Variants in TLL2 observed in about 807,000 individuals in gnomAD.
TLL2 encodes the protein tolloid like 2, also known as tolloid-like protein 2.
A neutral mutation model predicts 123.0 loss-of-function variants in TLL2; 106 were observed. The observed-to-expected ratio is 0.86, with a 90% CI of 0.74 to 1.01. TLL2 has a LOEUF of 1.01. TLL2 is among the 50% of genes least tolerant of loss of function. TLL2 has a pLI of 0.00. For synonymous variants in TLL2, 494 were observed against 516.8 expected, an observed-to-expected ratio of 0.96 and a Z score of 0.60; for missense variants, 1,332 against 1,336.7, an observed-to-expected ratio of 1.00 and a Z score of 0.06.
intron 7 of TLL2, among the ~76,000 whole-genome samples, chr10:96,417,838 G>A (rs1846578770): frequency 6.6e-6 from 1 of 152,208 alleles, no homozygotes; most frequent in Non-Finnish European, 1.5e-5. Context: ...CTGTTGCTGT[G>A]AGTGATCCCA....
At chr10:96,407,825 G>A (rs576556718) in intron 9 of TLL2, among the ~76,000 whole-genome samples, 6 of 152,344 alleles carry the variant, frequency 3.9e-5, no homozygotes, top group East Asian at 3.9e-4. Context: ...GTGCGCGCAC[G>A]CGTGGGTGCA....
At chr10:96,393,533 C>A (rs969157656) in intron 13 of TLL2, among the ~76,000 whole-genome samples, 19 of 152,186 alleles carry the variant, frequency 1.2e-4, no homozygotes, top group Non-Finnish European at 2.6e-4. Flanking sequence ...CTTGAGGCCA[C>A]CCAGCCGGTG....
chr10:96,482,661 C>T (rs1282121873), intron 1 of TLL2, among the ~76,000 whole-genome samples: 1 of 152,148 alleles, frequency 6.6e-6, no homozygotes, highest in African/African-American at 2.4e-5. Context: ...TTGTTTAGGA[C>T]TGGGGGCAGA....
chr10:96,371,334 AAG>A (rs1264193728), intron 19 of TLL2, among the ~76,000 whole-genome samples: 1 of 147,198 alleles, frequency 6.8e-6, no homozygotes, highest in Non-Finnish European at 1.5e-5. Flanking sequence ...AAAAAAAAAA[AAG>A]TAAATAAATA....
intron 1 of TLL2, among the ~76,000 whole-genome samples, chr10:96,502,137 C>T (rs771875721): frequency 1.3e-5 from 2 of 152,122 alleles, no homozygotes; most frequent in Non-Finnish European, 2.9e-5. Context: ...GTTGACCACA[C>T]ATAGAGTCCA....
At chr10:96,403,999 G>C (rs1161793572) in intron 10 of TLL2, among the ~76,000 whole-genome samples, 1 of 151,904 alleles carries the variant, frequency 6.6e-6, no homozygotes, top group Non-Finnish European at 1.5e-5. Context: ...AGATTCTTTT[G>C]CTCACATGTT....
In TLL2 at chr10:96,420,956, C is replaced by T; in HGVS notation, c.923G>A (p.Arg308Lys). The T allele has an allele frequency of 1.2e-6, 2 of 1,614,010 alleles. No individual in the cohort carries two copies. The highest frequency in any genetic ancestry group is 1.1e-5 in the South Asian group (1 of 91,076). Residue 308 changes from arginine (R) to lysine (K), a missense_variant and splice_region_variant, in exon 7 of 21, where the codon AGA becomes AAA. By Grantham distance (26) the Arg-to-Lys change is conservative. Transcript: ENST00000357947. ...IMHYARNTFS[R>K]GVFLDTILPR... ...ACGAGGCATAAGCATAGATTCCGAC[C>T]TTGAGAAGGTGTTCCGGGCGTAGTG...
At chr10:96,489,115 A>G (rs1340933217) in intron 1 of TLL2, among the ~76,000 whole-genome samples, 1 of 152,268 alleles carries the variant, frequency 6.6e-6, no homozygotes, top group Non-Finnish European at 1.5e-5. Flanking sequence ...CTCATGGCAC[A>G]CATTTGCCAT....
intron 3 of TLL2, among the ~76,000 whole-genome samples, chr10:96,435,166 G>C (rs1173787801): frequency 6.6e-6 from 1 of 151,614 alleles, no homozygotes; most frequent in East Asian, 1.9e-4. Context: ...TGAGTAGCTG[G>C]GACTACAGGT....
intron 2 of TLL2, among the ~76,000 whole-genome samples, chr10:96,473,066 G>A (rs1330221167): frequency 1.3e-5 from 2 of 152,152 alleles, no homozygotes; most frequent in South Asian, 2.1e-4. Context: ...CAATCAGATG[G>A]GAACACTGAG....
At chr10:96,455,619 C>A (rs11188764) in intron 2 of TLL2, among the ~76,000 whole-genome samples, 23,396 of 151,340 alleles carry the variant, frequency 0.15, 2,075 homozygotes, top group East Asian at 0.44. Context: ...TACACTCCCA[C>A]CAGCACCGTG....
At chr10:96,491,830 T>A (rs948924570) in intron 1 of TLL2, among the ~76,000 whole-genome samples, 2 of 151,958 alleles carry the variant, frequency 1.3e-5, no homozygotes, top group Non-Finnish European at 1.5e-5. Flanking sequence ...GAACATGGAG[T>A]TGGGAAAAGA....
At chr10:96,453,587 A>T (rs1846982303) in intron 2 of TLL2, among the ~76,000 whole-genome samples, 1 of 152,272 alleles carries the variant, frequency 6.6e-6, no homozygotes, top group Non-Finnish European at 1.5e-5. Context: ...GGCTATAGCA[A>T]CTACATCCCC....
chr10:96,384,581 G>C lies in TLL2; in HGVS notation c.2194+6C>G. The C allele has an allele frequency of 6.3e-7, 1 of 1,576,538 alleles. No homozygotes were observed. On this transcript the variant is annotated splice_donor_region_variant and intron_variant, in intron 16 of 20. Coordinates refer to ENST00000357947, the MANE Select transcript of TLL2 (RefSeq NM_012465.4). Reference sequence around the variant, plus strand: ...CTGCATCAGCCTCACCTCTGAACCCGCATACCTGAGAAGAAGTGGGCCCTG... The same window carrying C: ...CTGCATCAGCCTCACCTCTGAACCCCCATACCTGAGAAGAAGTGGGCCCTG...
rs146545391 is a variant in TLL2, at chr10:96,384,708, G to C, written c.2073C>G (p.His691Gln). 1 of 1,611,866 alleles carries C rather than the reference G, an allele frequency of 6.2e-7. No individual in the cohort carries two copies. Among genetic ancestry groups the C allele is most frequent in the Non-Finnish European group, 8.5e-7 (1 of 1,178,560 alleles). ...GCGTCTCAGAGCCGCAGAACCTGCCGTGCAGCTTGGCGTCGGGGGACAGGC... is the reference window on the plus strand; with the variant it reads ...GCGTCTCAGAGCCGCAGAACCTGCCCTGCAGCTTGGCGTCGGGGGACAGGC... ...RSGLSPDAKL[H>Q]GRFCGSETPE... is the part of the protein sequence containing the mutation. The change falls in exon 16 of 21, where the codon CAC (histidine) becomes CAG (glutamine). Residue 691 changes from histidine (H) to glutamine (Q), a missense_variant. By Grantham distance (24) the His-to-Gln change is conservative (BLOSUM62 0). Transcript: ENST00000357947.
At chr10:96,389,011 T>C (rs1846261620) in intron 13 of TLL2, among the ~76,000 whole-genome samples, 1 of 151,916 alleles carries the variant, frequency 6.6e-6, no homozygotes, top group Admixed American at 6.5e-5. Context: ...GCTAAAATAG[T>C]AACAAGTGTG....
At chr10:96,392,689 T>C (rs1047899539) in intron 13 of TLL2, among the ~76,000 whole-genome samples, 1 of 152,184 alleles carries the variant, frequency 6.6e-6, no homozygotes, top group Admixed American at 6.5e-5. Context: ...AACCTCATAA[T>C]CATTCATGAC....
rs543224178 is a variant in TLL2 at position 96,415,272 on chromosome 10, A to G, written c.924-1956T>C. The stretch of plus-strand genomic sequence containing the variant: ...TTGTAGGCCTCAAATATGCCCTTGC[A>G]CATGCTATCCGCTCCCTAGGCTGCC... On this transcript the variant is annotated intron_variant, in intron 7 of 20. Coordinates refer to ENST00000357947, the MANE Select transcript of TLL2 (RefSeq NM_012465.4). Among the ~76,000 whole-genome samples the G allele has an allele frequency of 8.5e-5, 13 of 152,318 alleles. No homozygotes were observed. The East Asian group carries it at 2.1e-3, about 25-fold the overall frequency.
intron 2 of TLL2, among the ~76,000 whole-genome samples, chr10:96,452,483 T>C (rs561810203): frequency 6.6e-6 from 1 of 152,358 alleles, no homozygotes; most frequent in South Asian, 2.1e-4. Context: ...CTCTTACCTT[T>C]CTGACCATGT....
Sources: allele counts gnomAD v4.1 joint callset (sites outside exome capture counted in the v4.1 genomes callset), GRCh38; gene constraint gnomAD v4.1.1; transcripts MANE v1.5; gene names NCBI Gene and HGNC (gene_info 2026-07-23, HGNC 2026-07-21).